STRBP: variants seen among roughly 807,000 people sequenced by gnomAD.
STRBP encodes the protein spermatid perinuclear RNA binding protein, also known as spermatid perinuclear RNA-binding protein.
Under a neutral mutation model 80.1 loss-of-function variants are expected in STRBP, and 13 were observed. The ratio of observed to expected loss-of-function variants is 0.16; its 90% CI spans 0.11 to 0.26. The LOEUF is 0.26. Among genes scored for constraint, STRBP ranks in the 10% least tolerant of loss-of-function variants. The pLI is 1.00. For synonymous variants in STRBP, 284 were observed against 291.2 expected, an observed-to-expected ratio of 0.98 and a Z score of 0.25; for missense variants, 485 against 815.2, an observed-to-expected ratio of 0.59 and a Z score of 4.93.
At position 123,115,491 on chromosome 9, in the gene STRBP, C is replaced by A. The variant is rs961547608; in HGVS notation, c.*84+438G>T. On this transcript the variant is annotated intron_variant and NMD_transcript_variant, in intron 3 of 3. Coordinates refer to the STRBP transcript ENST00000471564. The surrounding 1 kb of genome is among the most constrained non-coding windows in gnomAD (Gnocchi z 5.0). ...ATCCTCTGCACCTCTTTCTTCCCCT[C>A]CCTGTACTCTCCATCTGGGTCAATG... 4.1e-5 allele frequency: 17 copies of A among 413,976 alleles called. No individual in the cohort carries two copies. Among genetic ancestry groups the A allele is most frequent in the Non-Finnish European group, 6.1e-5 (12 of 198,330 alleles). 25.6% of individuals were successfully genotyped at this position (413,976 alleles called of 1,614,324 possible). A position where few individuals can be genotyped will look rare whatever the true frequency, so the allele number is the denominator to read the frequency against.
chr9:123,247,259 T>C (rs746178748), intron 1 of STRBP, among the ~76,000 whole-genome samples: 14 of 152,046 alleles, frequency 9.2e-5, no homozygotes, highest in Non-Finnish European at 1.5e-4. Flanking sequence ...TGGATTCAAA[T>C]CCCAGCTGTA....
At chr9:123,242,561 G>C (rs2040716566) in intron 1 of STRBP, among the ~76,000 whole-genome samples, 1 of 152,186 alleles carries the variant, frequency 6.6e-6, no homozygotes, top group Admixed American at 6.5e-5. Context: ...TCAGGAGGCT[G>C]AGGCAGGAGA....
chr9:123,133,440 C>G (rs993518708), intron 16 of STRBP, among the ~76,000 whole-genome samples: 1 of 152,194 alleles, frequency 6.6e-6, no homozygotes, highest in East Asian at 1.9e-4. Flanking sequence ...GATGCCAGTT[C>G]CTGCTCTAAG....
chr9:123,236,352 A>G (rs1381567022), intron 2 of STRBP, among the ~76,000 whole-genome samples: 2 of 152,108 alleles, frequency 1.3e-5, no homozygotes, highest in African/African-American at 4.8e-5. Flanking sequence ...TTTACATGTC[A>G]CTTTACCGTA....
At chr9:123,240,658 G>A (rs1473608464) in intron 1 of STRBP, among the ~76,000 whole-genome samples, 2 of 152,086 alleles carry the variant, frequency 1.3e-5, no homozygotes, top group Non-Finnish European at 2.9e-5. Flanking sequence ...ACCTTCCTAG[G>A]CTTTGTTGGC....
At position 123,224,146 on chromosome 9, in the gene STRBP, T is replaced by C. The variant is rs561490071; in HGVS notation, c.-165+12684A>G. ...TCATATTTATATATTAGCTCTAATC[T>C]TTACAAGGTGGAGCCCCATTTTATA... On this transcript the variant is annotated intron_variant, in intron 2 of 18. Transcript: ENST00000348403. 2.0e-5 allele frequency among the ~76,000 whole-genome samples: 3 copies of C among 152,334 alleles called. No homozygotes were observed. The South Asian group carries it at 6.2e-4, about 32-fold the overall frequency.
intron 8 of STRBP, 54 bp downstream of exon 8, chr9:123,160,313 G>T: frequency 7.6e-7 from 1 of 1,320,060 alleles, no homozygotes; most frequent in African/African-American, 1.5e-5. Context: ...ATTTCTACAG[G>T]ATTTTCTCTG....
chr9:123,121,591 A>G (rs1015134477), downstream of STRBP: 1 of 149,718 alleles, frequency 6.7e-6, no homozygotes, highest in African/African-American at 2.5e-5. Flanking sequence ...ATACTTTTCC[A>G]TAGTTACCAT....
At position 123,173,597 on chromosome 9, in the gene STRBP, T is replaced by C. The variant is rs1447632041; in HGVS notation, c.390+80A>G. 6.9e-6 allele frequency: 10 copies of C among 1,453,808 alleles called. No homozygotes were observed. The East Asian group carries it at 7.0e-5, about 10-fold the overall frequency. The allele number at this position is 1,453,808 out of a possible 1,614,324, so 90.1% of individuals were successfully genotyped here. On this transcript the variant is annotated intron_variant, in intron 5 of 18. Transcript: ENST00000348403. ...CTATCCTATTAGCTATTAGCAATTCTGGTTAATAATTTTTTCAAAGTCACT... is the reference window on the plus strand; with the variant it reads ...CTATCCTATTAGCTATTAGCAATTCCGGTTAATAATTTTTTCAAAGTCACT...
intron 1 of STRBP, among the ~76,000 whole-genome samples, chr9:123,238,560 T>C (rs925029802): frequency 1.1e-4 from 16 of 152,228 alleles, no homozygotes; most frequent in South Asian, 2.1e-4. Flanking sequence ...CAGTACATTG[T>C]ACTAGGGCAC....
At chr9:123,119,955 A>G (rs1434922802), downstream of STRBP, among the ~76,000 whole-genome samples, 4 of 152,210 alleles carry the variant, frequency 2.6e-5, no homozygotes, top group Non-Finnish European at 4.4e-5. Flanking sequence ...CGCTGCTTCA[A>G]AGCATCAATG....
intron 2 of STRBP, among the ~76,000 whole-genome samples, chr9:123,224,534 G>A (rs748755802): frequency 6.6e-6 from 1 of 152,098 alleles, no homozygotes; most frequent in Non-Finnish European, 1.5e-5. Context: ...ATCTTTTCAC[G>A]CAACTTTCAC....
intron 1 of STRBP, among the ~76,000 whole-genome samples, chr9:123,261,197 C>T (rs1425983810): frequency 6.6e-6 from 1 of 152,232 alleles, no homozygotes; most frequent in Non-Finnish European, 1.5e-5. Flanking sequence ...AGATTCATTA[C>T]TATCTCATAA....
chr9:123,174,874 A>G lies in STRBP; in HGVS notation c.225-1032T>C, dbSNP rs1279507803. ...TATTGGTTCATTTCCCTTAATCACA[A>G]ATGAAAATAGTAACTAAGTTTAACC... On this transcript the variant is annotated intron_variant, in intron 4 of 18. Transcript: ENST00000348403. Among the ~76,000 whole-genome samples, 3 of 152,208 alleles carry G rather than the reference A, an allele frequency of 2.0e-5. No homozygotes were observed. The East Asian group carries it at 5.8e-4, about 29-fold the overall frequency.
chr9:123,118,875 T>G (rs1168338553), downstream of STRBP, among the ~76,000 whole-genome samples: 2 of 152,202 alleles, frequency 1.3e-5, no homozygotes, highest in Non-Finnish European at 1.5e-5. Flanking sequence ...CACAAAGGAA[T>G]GGAAGATAAG....
chr9:123,249,053 C>T (rs7862985), intron 1 of STRBP, among the ~76,000 whole-genome samples: 2,529 of 152,304 alleles, frequency 0.017, 76 homozygotes, highest in African/African-American at 0.058. Flanking sequence ...AAGTAGCAAT[C>T]CATTTCATAG....
intron 2 of STRBP, among the ~76,000 whole-genome samples, chr9:123,223,052 T>C (rs1477640311): frequency 7.5e-5 from 6 of 80,180 alleles, no homozygotes; most frequent in African/African-American, 2.6e-4. Flanking sequence ...AGATAGATGA[T>C]AGATAGATAG....
chr9:123,116,011 T>C, exon 3 of STRBP: 1 of 456,308 alleles, frequency 2.2e-6, no homozygotes. Flanking sequence ...TTCAAGGTGC[T>C]TTCAGCTTTC....
At chr9:123,170,848 T>C (rs1237112937) in intron 5 of STRBP, among the ~76,000 whole-genome samples, 1 of 152,162 alleles carries the variant, frequency 6.6e-6, no homozygotes, top group African/African-American at 2.4e-5. Flanking sequence ...TTTTTCTTAG[T>C]GGTGAAATTT....
Sources: gnomAD v4.1 joint callset for allele counts (sites outside exome capture counted in the v4.1 genomes callset) on GRCh38, gnomAD v4.1.1 for gene constraint, Gnocchi (gnomAD v3.1) non-coding constraint, MANE v1.5 for transcripts, NCBI Gene and HGNC (gene_info 2026-07-23, HGNC 2026-07-21) for gene names.